Variants in GRID2 observed in about 807,000 individuals in gnomAD.
GRID2 encodes the protein glutamate receptor ionotropic, delta-2.
A neutral mutation model predicts 114.8 loss-of-function variants in GRID2; 33 were observed. The ratio of observed to expected loss-of-function variants is 0.29; its 90% CI spans 0.22 to 0.38. GRID2 has a LOEUF of 0.38. GRID2 is among the 10% of genes least tolerant of loss of function. GRID2 has a pLI of 1.00. For missense variants in GRID2, 1,184 were observed against 1,257.7 expected, an observed-to-expected ratio of 0.94 and a Z score of 0.89; for synonymous variants, 505 against 449.9, an observed-to-expected ratio of 1.12 and a Z score of -1.55.
intron 8 of GRID2, among the ~76,000 whole-genome samples, chr4:93,252,919 C>A (rs1402912443): frequency 6.6e-6 from 1 of 151,942 alleles, no homozygotes; most frequent in South Asian, 2.1e-4. Flanking sequence ...ATAAAAAATT[C>A]TGAAGAAACT....
At chr4:93,379,546 C>T (rs1004712098) in intron 8 of GRID2, among the ~76,000 whole-genome samples, 8 of 151,994 alleles carry the variant, frequency 5.3e-5, no homozygotes, top group African/African-American at 1.9e-4. Context: ...GTATCTCAGC[C>T]ATAAATGTCT....
At chr4:93,658,136 T>A (rs1413222607) in intron 14 of GRID2, among the ~76,000 whole-genome samples, 1 of 152,180 alleles carries the variant, frequency 6.6e-6, no homozygotes, top group Non-Finnish European at 1.5e-5. Flanking sequence ...ACATTTATAA[T>A]AATGGGATTT....
intron 1 of GRID2, among the ~76,000 whole-genome samples, chr4:92,384,609 A>ATATATAT (rs1560599177): frequency 2.7e-4 from 14 of 52,232 alleles, no homozygotes; most frequent in African/African-American, 7.9e-4. Flanking sequence ...ATAATATATA[A>ATATATAT]TATATGTTAT....
At chr4:93,156,360 T>C (rs1445471325) in intron 4 of GRID2, among the ~76,000 whole-genome samples, 1 of 151,828 alleles carries the variant, frequency 6.6e-6, no homozygotes, top group Non-Finnish European at 1.5e-5. Context: ...AACTATATGA[T>C]CTTGCTTTTT....
At chr4:92,629,966 A>C (rs1484580445) in intron 2 of GRID2, among the ~76,000 whole-genome samples, 2 of 149,582 alleles carry the variant, frequency 1.3e-5, no homozygotes, top group African/African-American at 2.4e-5. Flanking sequence ...ACATTTATAA[A>C]ATTTAAATGC....
chr4:92,922,692 A>G (rs1247823431), intron 2 of GRID2, among the ~76,000 whole-genome samples: 2 of 152,344 alleles, frequency 1.3e-5, no homozygotes, highest in East Asian at 3.9e-4. Flanking sequence ...TAAATTATAT[A>G]ATAACCACTT....
chr4:93,338,324 T>A (rs923000035), intron 8 of GRID2, among the ~76,000 whole-genome samples: 35 of 152,118 alleles, frequency 2.3e-4, no homozygotes, highest in Admixed American at 9.8e-4. Flanking sequence ...TATCAAGCCC[T>A]TATATGCGGT....
intron 8 of GRID2, among the ~76,000 whole-genome samples, chr4:93,312,566 T>G (rs1030450053): frequency 6.6e-6 from 1 of 152,112 alleles, no homozygotes; most frequent in Non-Finnish European, 1.5e-5. Context: ...GAAGTAAAAT[T>G]TCAACCCATC....
chr4:93,611,877 T>G (rs963416880), intron 13 of GRID2, among the ~76,000 whole-genome samples: 2 of 151,730 alleles, frequency 1.3e-5, no homozygotes, highest in Admixed American at 1.3e-4. Context: ...CCTTGTTGAC[T>G]TTCTGTCTCA....
intron 1 of GRID2, among the ~76,000 whole-genome samples, chr4:92,424,442 T>G (rs909848277): frequency 6.6e-6 from 1 of 152,006 alleles, no homozygotes; most frequent in Admixed American, 6.6e-5. Context: ...ATAAATTGGA[T>G]TTTTAAATTA....
intron 13 of GRID2, among the ~76,000 whole-genome samples, chr4:93,555,645 G>C (rs993259400): frequency 6.6e-6 from 1 of 152,194 alleles, no homozygotes; most frequent in African/African-American, 2.4e-5. Flanking sequence ...CCCTGGGACA[G>C]AGCACCTGGG....
At chr4:93,108,191 C>T (rs1732430722) in intron 3 of GRID2, among the ~76,000 whole-genome samples, 1 of 152,116 alleles carries the variant, frequency 6.6e-6, no homozygotes, top group Admixed American at 6.5e-5. Context: ...TAAAATATAT[C>T]CTCCTCCTCA....
chr4:93,596,722 A>G (rs894240944), intron 13 of GRID2, among the ~76,000 whole-genome samples: 2 of 152,224 alleles, frequency 1.3e-5, no homozygotes, highest in Non-Finnish European at 2.9e-5. Flanking sequence ...GTTTTGATTA[A>G]TAAGTGTCTG....
chr4:93,245,044 A>C (rs573199142), intron 8 of GRID2, among the ~76,000 whole-genome samples: 32 of 152,218 alleles, frequency 2.1e-4, no homozygotes, highest in Middle Eastern at 3.4e-3. Flanking sequence ...TCTAGAAAAT[A>C]TTGTGAATTG....
chr4:93,129,351 T>TTTTG (rs199611126), intron 4 of GRID2, among the ~76,000 whole-genome samples: 5 of 152,142 alleles, frequency 3.3e-5, no homozygotes, highest in South Asian at 2.1e-4. Context: ...ATACTGTTTT[T>TTTTG]TTTGTTTGTT....
chr4:93,784,666 AC>A (rs1734556064), intron 1 of GRID2, among the ~76,000 whole-genome samples: 1 of 151,468 alleles, frequency 6.6e-6, no homozygotes, highest in Non-Finnish European at 1.5e-5. Flanking sequence ...ACACACACAC[AC>A]ACACACACCA....
At chr4:92,604,742 T>C (rs1019516430) in intron 2 of GRID2, among the ~76,000 whole-genome samples, 39 of 152,098 alleles carry the variant, frequency 2.6e-4, no homozygotes, top group Non-Finnish European at 5.3e-4. Flanking sequence ...ACAGGCAGGC[T>C]TTATGTCAAA....
intron 1 of GRID2, among the ~76,000 whole-genome samples, chr4:93,805,810 T>C (rs1208362847): frequency 6.6e-6 from 1 of 152,192 alleles, no homozygotes; most frequent in Non-Finnish European, 1.5e-5. Flanking sequence ...TAAGAGCATA[T>C]ATTCGGCCGA....
chr4:92,717,494 G>A (rs1462070702), intron 2 of GRID2, among the ~76,000 whole-genome samples: 1 of 152,108 alleles, frequency 6.6e-6, no homozygotes, highest in Non-Finnish European at 1.5e-5. Flanking sequence ...TATTTAATAT[G>A]CTAACCCATT....
Sources: gnomAD v4.1 joint callset for allele counts (sites outside exome capture counted in the v4.1 genomes callset) on GRCh38, gnomAD v4.1.1 for gene constraint, MANE v1.5 for transcripts, NCBI Gene and HGNC (gene_info 2026-07-23, HGNC 2026-07-21) for gene names.